NPY2R: variants seen among roughly 807,000 people sequenced by gnomAD.
NPY2R encodes the protein neuropeptide Y receptor Y2.
Under a neutral mutation model 22.3 loss-of-function variants are expected in NPY2R, and 17 were observed. That is an observed-to-expected ratio of 0.76 (90% CI 0.52 to 1.14). NPY2R has a LOEUF of 1.14. Among genes scored for constraint, NPY2R ranks in the 50% most tolerant of loss-of-function variants. The pLI, the probability that NPY2R is intolerant of heterozygous loss-of-function variation, is 0.00. For synonymous variants in NPY2R, 209 were observed against 183.4 expected (o/e 1.14, Z -1.13); for missense variants, 424 against 467.9 (o/e 0.91, Z 0.87).
rs781001517 is a variant in NPY2R, at chr4:155,214,659, T to A, written c.720T>A (p.Thr240=). ...TGGGCATTATATCATTTTCCTACAC[T>A]CGCATTTGGAGTAAATTGAAGAACC... The part of the protein sequence containing the change: ...LPLGIISFSY[T]RIWSKLKNHV... The change falls in exon 2 of 2, where the codon ACT becomes ACA. Residue 240 remains threonine, a synonymous_variant. Coordinates refer to ENST00000329476, the MANE Select transcript of NPY2R (RefSeq NM_000910.4). The A allele has an allele frequency of 6.2e-7, 1 of 1,614,204 alleles. No individual in the cohort carries two copies. Among genetic ancestry groups the A allele is most frequent in the Admixed American group, 1.7e-5 (1 of 60,024 alleles).
At chr4:155,177,109 C>T in the NPY2R span, among the ~76,000 whole-genome samples, 1 of 152,300 alleles carries the variant, frequency 6.6e-6, no homozygotes, top group East Asian at 1.9e-4. Context: ...TTCTCACATA[C>T]AAAATGCATT....
the NPY2R span, among the ~76,000 whole-genome samples, chr4:155,184,946 T>TTA: frequency 1.3e-5 from 2 of 148,226 alleles, no homozygotes; most frequent in African/African-American, 4.9e-5. Flanking sequence ...GTCTGCTAAA[T>TTA]TATATATATA....
In NPY2R at chr4:155,213,874, T is replaced by C; in HGVS notation, c.-48-18T>C. 1 of 1,322,656 alleles carries C rather than the reference T, an allele frequency of 7.6e-7. No individual in the cohort carries two copies. Among genetic ancestry groups the C allele is most frequent in the Non-Finnish European group, 1.1e-6 (1 of 916,418 alleles). 81.9% of individuals were successfully genotyped at this position (1,322,656 alleles called of 1,614,324 possible). Reference sequence around the variant, plus strand: ...TTTTGTTGTTGTTGTTTTGTTTTATTTTGTTTTTTCTTTTTAGGTTGTAGA... The same window carrying C: ...TTTTGTTGTTGTTGTTTTGTTTTATCTTGTTTTTTCTTTTTAGGTTGTAGA... On this transcript the variant is annotated intron_variant, in intron 1 of 1. Coordinates refer to ENST00000329476, the MANE Select transcript of NPY2R (RefSeq NM_000910.4).
the NPY2R span, among the ~76,000 whole-genome samples, chr4:155,197,752 A>G: frequency 4.6e-5 from 7 of 151,862 alleles, no homozygotes; most frequent in South Asian, 1.2e-3. Flanking sequence ...ATGTATAGAC[A>G]TGGTCTGAGA....
chr4:155,200,428 T>G, the NPY2R span, among the ~76,000 whole-genome samples: 10 of 152,268 alleles, frequency 6.6e-5, no homozygotes, highest in African/African-American at 2.4e-4. Context: ...GTTCAAACAT[T>G]GTGGAAGACA....
At chr4:155,188,770 T>G in the NPY2R span, among the ~76,000 whole-genome samples, 3 of 152,100 alleles carry the variant, frequency 2.0e-5, no homozygotes, top group Non-Finnish European at 4.4e-5. Context: ...TCTTTGAAGC[T>G]GATCCTTTCC....
At chr4:155,183,679 G>A in the NPY2R span, among the ~76,000 whole-genome samples, 14 of 152,264 alleles carry the variant, frequency 9.2e-5, 1 homozygote, top group South Asian at 2.7e-3. Context: ...TAGAGTGTGA[G>A]GAAATGAGTG....
the NPY2R span, among the ~76,000 whole-genome samples, chr4:155,198,839 A>C: frequency 2.0e-3 from 298 of 151,908 alleles, 3 homozygotes; most frequent in Non-Finnish European, 3.5e-3. Flanking sequence ...CCATGTGTAG[A>C]GTACAGGTAG....
chr4:155,184,579 A>G, the NPY2R span, among the ~76,000 whole-genome samples: 1 of 152,152 alleles, frequency 6.6e-6, no homozygotes, highest in African/African-American at 2.4e-5. Context: ...GGAATGACCC[A>G]TGAAGCTGGG....
chr4:155,207,154 A>T (rs1729298556), upstream of NPY2R: 1 of 152,206 alleles, frequency 6.6e-6, no homozygotes, highest in Non-Finnish European at 1.5e-5. Flanking sequence ...TTAACTGAAG[A>T]TTAATTTCAG....
At chr4:155,194,452 A>C in the NPY2R span, among the ~76,000 whole-genome samples, 1 of 151,850 alleles carries the variant, frequency 6.6e-6, no homozygotes, top group Non-Finnish European at 1.5e-5. Context: ...CTTTGTGTCC[A>C]TGTGTACTCA....
the NPY2R span, among the ~76,000 whole-genome samples, chr4:155,180,064 C>G: frequency 6.3e-4 from 94 of 149,560 alleles, no homozygotes; most frequent in Non-Finnish European, 9.8e-4. Context: ...GACACTGTTA[C>G]TTTCTTTTCC....
chr4:155,212,951 G>C (rs1295049330), intron 1 of NPY2R, among the ~76,000 whole-genome samples: 1 of 152,218 alleles, frequency 6.6e-6, no homozygotes, highest in African/African-American at 2.4e-5. Flanking sequence ...CTACTCAGCT[G>C]TAAAAAAGAA....
At chr4:155,177,389 G>A in the NPY2R span, among the ~76,000 whole-genome samples, 1 of 152,154 alleles carries the variant, frequency 6.6e-6, no homozygotes, top group Non-Finnish European at 1.5e-5. Context: ...AATGGGTACC[G>A]AGTAAGTCCC....
chr4:155,206,645 G>A (rs1014201892), upstream of NPY2R: 1 of 152,196 alleles, frequency 6.6e-6, no homozygotes, highest in East Asian at 1.9e-4. Flanking sequence ...ACAAACACAC[G>A]TCTATAAGAG....
At chr4:155,174,484 A>ATATATATATATATATATATATATATTT in the NPY2R span, among the ~76,000 whole-genome samples, 89 of 105,950 alleles carry the variant, frequency 8.4e-4, no homozygotes, top group African/African-American at 3.0e-3. Flanking sequence ...ATATATATAT[A>ATATATATATATATATATATATATATTT]TTTTTTTTTT....
At chr4:155,175,158 TA>T in the NPY2R span, among the ~76,000 whole-genome samples, 1 of 152,234 alleles carries the variant, frequency 6.6e-6, no homozygotes, top group African/African-American at 2.4e-5. Context: ...AGTGTATCAT[TA>T]AGGCAAATTT....
At chr4:155,192,139 T>C in the NPY2R span, among the ~76,000 whole-genome samples, 1 of 151,640 alleles carries the variant, frequency 6.6e-6, no homozygotes, top group South Asian at 2.1e-4. Flanking sequence ...AACTGCAAAA[T>C]AATTCTGGAT....
the NPY2R span, among the ~76,000 whole-genome samples, chr4:155,197,469 T>C: frequency 6.6e-6 from 1 of 152,012 alleles, no homozygotes; most frequent in East Asian, 1.9e-4. Context: ...TCCTTCCTTC[T>C]TACTTTCTTC....
Sources: allele counts gnomAD v4.1 joint callset (sites outside exome capture counted in the v4.1 genomes callset), GRCh38; gene constraint gnomAD v4.1.1; transcripts MANE v1.5; gene names NCBI Gene and HGNC (gene_info 2026-07-23, HGNC 2026-07-21).